Variants in MYLK3 observed in about 807,000 individuals in gnomAD.
MYLK3 encodes the protein MLC kinase.
MYLK3 carries 55 observed loss-of-function variants against 76.3 expected under a neutral mutation model. The observed-to-expected ratio is 0.72, with a 90% CI of 0.58 to 0.90. The LOEUF (loss-of-function observed/expected upper bound fraction) is 0.90, where lower values mean the gene tolerates loss of function less well. Ranked by LOEUF, MYLK3 falls within the 40% of genes least tolerant of loss-of-function variation. MYLK3 has a pLI of 0.00. For missense variants in MYLK3, 973 were observed against 1,053.6 expected, an observed-to-expected ratio of 0.92 and a Z score of 1.06; for synonymous variants, 416 against 425.4, an observed-to-expected ratio of 0.98 and a Z score of 0.27.
rs2143015910 is a variant in MYLK3 at position 46,738,228 on chromosome 16, A to G, written c.569-85T>C. ...TACTGCAAGGAATCTGCACAAGGCC[A>G]TTCAGTGCTCAGGTTTATAATAGCC... On this transcript the variant is annotated intron_variant, in intron 2 of 12. Transcript: ENST00000394809. 4.9e-6 allele frequency: 6 copies of G among 1,232,798 alleles called. No homozygotes were observed. In the South Asian group the frequency reaches 9.6e-5, roughly 20 times the overall value. The allele number at this position is 1,232,798 out of a possible 1,614,324, so 76.4% of individuals were successfully genotyped here.
chr16:46,739,962 G>T (rs1230041471), intron 2 of MYLK3, 95 bp downstream of exon 2: 3 of 853,700 alleles, frequency 3.5e-6, no homozygotes, highest in East Asian at 2.5e-5. Flanking sequence ...TTTGACAGTT[G>T]CCCAGGAATC....
chr16:46,708,680 G>A (rs140525990), intron 12 of MYLK3, among the ~76,000 whole-genome samples: 38 of 152,254 alleles, frequency 2.5e-4, no homozygotes, highest in African/African-American at 8.2e-4. Context: ...TTGTGTACTG[G>A]CTCCATACAT....
intron 3 of MYLK3, among the ~76,000 whole-genome samples, chr16:46,735,008 G>T (rs898430127): frequency 2.0e-5 from 3 of 151,930 alleles, no homozygotes; most frequent in African/African-American, 4.8e-5. Flanking sequence ...AGGCATGGTG[G>T]CACATGCTTG....
Position 46,703,531 on chromosome 16 carries a change from T to C in MYLK3, c.*4173A>G, listed in dbSNP as rs1251635307. 6.6e-6 allele frequency: 1 copy of C among 152,220 alleles called. No homozygotes were observed. Among genetic ancestry groups the C allele is most frequent in the Non-Finnish European group, 1.5e-5 (1 of 68,046 alleles). 9.4% of individuals were successfully genotyped at this position (152,220 alleles called of 1,614,324 possible). A position where few individuals can be genotyped will look rare whatever the true frequency, so the allele number is the denominator to read the frequency against. On this transcript the variant is annotated 3_prime_UTR_variant, in exon 13 of 13. Coordinates refer to ENST00000394809, the MANE Select transcript of MYLK3 (RefSeq NM_182493.3). ...AGTTTCTCTGCCCAGCAGTTTCCAGTGACTGTACATGCAAATGGAAAAGTC... is the reference window on the plus strand; with the variant it reads ...AGTTTCTCTGCCCAGCAGTTTCCAGCGACTGTACATGCAAATGGAAAAGTC...
intron 1 of MYLK3, among the ~76,000 whole-genome samples, chr16:46,744,342 T>TTGC (rs1376060593): frequency 2.9e-5 from 4 of 139,800 alleles, no homozygotes; most frequent in African/African-American, 1.1e-4. Context: ...TTTTTTTTTT[T>TTGC]TTTTTTTTTT....
rs757095509 is a variant in MYLK3 at position 46,709,701 on chromosome 16, T to A, written c.2268-30A>T. ...GAAATCAAAGAGCAGTTAAGACTTT[T>A]AGTTGGAGTTGCCTTTTCTCATCCA... On this transcript the variant is annotated intron_variant, in intron 11 of 12. Transcript: ENST00000394809. 2.5e-6 allele frequency: 4 copies of A among 1,603,450 alleles called. No individual in the cohort carries two copies. In the Admixed American group the frequency reaches 5.3e-5, roughly 21 times the overall value.
At chr16:46,726,185 C>A (rs1338750873) in intron 8 of MYLK3, 1 of 152,142 alleles carries the variant, frequency 6.6e-6, no homozygotes, top group African/African-American at 2.4e-5. Context: ...GGTCTATGTG[C>A]CTATTTTTAT....
chr16:46,718,827 G>A (rs974633885), intron 9 of MYLK3, among the ~76,000 whole-genome samples: 3 of 151,546 alleles, frequency 2.0e-5, no homozygotes, highest in Admixed American at 6.6e-5. Context: ...TTAGCCAGGC[G>A]TGGTGGCAGG....
chr16:46,729,807 G>A lies in MYLK3; in HGVS notation c.1569-120C>T. ...CATGTGGACCATCCTACATCCCAGAGTGCAGCCTGTCATCACCCCAAAACC... is the reference window on the plus strand; with the variant it reads ...CATGTGGACCATCCTACATCCCAGAATGCAGCCTGTCATCACCCCAAAACC... On this transcript the variant is annotated intron_variant, in intron 5 of 12. Coordinates refer to ENST00000394809, the MANE Select transcript of MYLK3 (RefSeq NM_182493.3). 3 of 822,678 alleles carry A rather than the reference G, an allele frequency of 3.6e-6. No individual in the cohort carries two copies. In the South Asian group the frequency reaches 4.7e-5, roughly 13 times the overall value. 51.0% of individuals were successfully genotyped at this position (822,678 alleles called of 1,614,324 possible). A position where few individuals can be genotyped will look rare whatever the true frequency, so the allele number is the denominator to read the frequency against.
At chr16:46,747,604 T>C in intron 1 of MYLK3, 113 bp downstream of exon 1, 1 of 1,027,450 alleles carries the variant, frequency 9.7e-7, no homozygotes, top group Non-Finnish European at 1.5e-6. Flanking sequence ...CATCAACAGG[T>C]CACACAGGAA....
Position 46,758,509 on chromosome 16 carries a change from C to T in MYLK3, c.-114+4531G>A, listed in dbSNP as rs531861958. On this transcript the variant is annotated intron_variant, in intron 1 of 11. Transcript: ENST00000536476. The stretch of plus-strand genomic sequence containing the variant: ...GGGTCATTGTTTGTCATCCCCATTT[C>T]ACAGAGGAGGAGCAACCTGGGGAAC... Among the ~76,000 whole-genome samples the T allele has an allele frequency of 7.2e-5, 11 of 152,260 alleles. 1 individual carries two copies. In the South Asian group the frequency reaches 2.1e-3, roughly 29 times the overall value.
intron 10 of MYLK3, chr16:46,711,529 T>C (rs1052447669): frequency 3.3e-6 from 1 of 298,958 alleles, no homozygotes; most frequent in Non-Finnish European, 6.7e-6. Flanking sequence ...GTTTTGTCTT[T>C]AAACAGTGCC....
rs1042840596 is a variant in MYLK3 at position 46,732,269 on chromosome 16, C to T, written c.1401G>A (p.Pro467=). ...TCCTCCTTACTGCTTCAGCTCTCAC[C>T]GGAGCCCTGGCTGCACAGTCCTGCT... ...EPEQDCAARA[P]VRAEAVRRMP... is the part of the protein sequence containing the mutation. Residue 467 remains proline, a synonymous_variant, in exon 4 of 13, where the codon CCG becomes CCA. Coordinates refer to ENST00000394809, the MANE Select transcript of MYLK3 (RefSeq NM_182493.3). The T allele has an allele frequency of 1.0e-5, 16 of 1,605,910 alleles. No individual in the cohort carries two copies. Among genetic ancestry groups the T allele is most frequent in the Admixed American group, 8.3e-5 (5 of 59,994 alleles).
intron 4 of MYLK3, among the ~76,000 whole-genome samples, chr16:46,731,569 G>C (rs1230456307): frequency 6.6e-6 from 1 of 152,178 alleles, no homozygotes; most frequent in Non-Finnish European, 1.5e-5. Flanking sequence ...CACCGACAGT[G>C]GTCCGTGGAC....
Position 46,710,707 on chromosome 16 carries a change from C to T in MYLK3, c.2197G>A (p.Ala733Thr). 6.2e-7 allele frequency: 1 copy of T among 1,614,142 alleles called. No individual in the cohort carries two copies. Among genetic ancestry groups the T allele is most frequent in the Non-Finnish European group, 8.5e-7 (1 of 1,180,034 alleles). The change falls in exon 11 of 13, where the codon GCT becomes ACT. Residue 733 changes from alanine to threonine, a missense_variant. Coordinates refer to ENST00000394809, the MANE Select transcript of MYLK3 (RefSeq NM_182493.3). ...FIVNCSWDFD[A>T]DTFEGLSEEA... ...TCCGAGAGCCCTTCAAAGGTGTCAG[C>T]ATCAAAATCCCAGCTACAGTTTACA... is the stretch of plus-strand genomic sequence containing the variant.
chr16:46,724,528 G>T (rs1023847246), intron 8 of MYLK3, among the ~76,000 whole-genome samples: 4 of 152,012 alleles, frequency 2.6e-5, no homozygotes, highest in African/African-American at 9.7e-5. Context: ...CCTAGCATGG[G>T]GTCCCAGCAC....
chr16:46,720,489 C>G (rs1369958525), intron 9 of MYLK3, among the ~76,000 whole-genome samples: 1 of 152,234 alleles, frequency 6.6e-6, no homozygotes, highest in Non-Finnish European at 1.5e-5. Context: ...GCATTAGCCA[C>G]TGTGCTGGGC....
intron 3 of MYLK3, among the ~76,000 whole-genome samples, 180 bp downstream of exon 3, chr16:46,737,531 T>C (rs555651099): frequency 5.3e-5 from 8 of 152,330 alleles, no homozygotes; most frequent in Admixed American, 1.3e-4. Context: ...TTATTTCTAG[T>C]GGGCAGCCGG....
rs1293201152 is a variant in MYLK3 at position 46,706,283 on chromosome 16, ATACTG to A, written c.*1416_*1420del. Reference sequence around the variant, plus strand: ...TGTTTGTGTGTGTGTATATATACATATACTGTATTCTTTTTTTTTTTTTTTTTTGA... The same window carrying A: ...TGTTTGTGTGTGTGTATATATACATATATTCTTTTTTTTTTTTTTTTTTGA... On this transcript the variant is annotated 3_prime_UTR_variant, in exon 13 of 13. Transcript: ENST00000394809. 6.7e-6 allele frequency: 1 copy of A among 149,442 alleles called. No individual in the cohort carries two copies. The highest frequency in any genetic ancestry group is 1.5e-5 in the Non-Finnish European group (1 of 67,658). The allele number at this position is 149,442 out of a possible 1,614,324, so 9.3% of individuals were successfully genotyped here. A position where few individuals can be genotyped will look rare whatever the true frequency, so the allele number is the denominator to read the frequency against.
Sources: gnomAD v4.1 joint callset for allele counts (sites outside exome capture counted in the v4.1 genomes callset) on GRCh38, gnomAD v4.1.1 for gene constraint, MANE v1.5 for transcripts, NCBI Gene and HGNC (gene_info 2026-07-23, HGNC 2026-07-21) for gene names.